The following HDAC9 variants were observed in gnomAD, a reference collection of about 807,000 sequenced individuals.
HDAC9 encodes histone deacetylase 9, also known as MEF-2 interacting transcription repressor (MITR) protein.
In HDAC9, 41 loss-of-function variants were observed where a neutral mutation model predicts 139.4. The ratio of observed to expected loss-of-function variants is 0.29; its 90% CI spans 0.23 to 0.38. HDAC9 has a LOEUF of 0.38. Ranked by LOEUF, HDAC9 falls within the 10% of genes least tolerant of loss-of-function variation. The probability of loss-of-function intolerance (pLI) is 1.00; values close to 1 mark genes in which losing one functional copy is unlikely to be tolerated. For missense variants in HDAC9, 1,147 were observed against 1,297.0 expected (o/e 0.88, Z 1.78); for synonymous variants, 517 against 476.2 (o/e 1.09, Z -1.12).
chr7:18,756,632 G>A lies in HDAC9; in HGVS notation c.2044-5525G>A, dbSNP rs534248098. Among the ~76,000 whole-genome samples, 19 of 152,282 alleles carry A rather than the reference G, an allele frequency of 1.2e-4. No individual in the cohort carries two copies. The East Asian group carries it at 3.5e-3, about 28-fold the overall frequency. On this transcript the variant is annotated intron_variant, in intron 14 of 25. Transcript: ENST00000686413. Reference sequence around the variant, plus strand: ...TTCACATAGAATCCTATCATCTTAAGGCTAAAAATGAGCTTTGACATAATT... The same window carrying A: ...TTCACATAGAATCCTATCATCTTAAAGCTAAAAATGAGCTTTGACATAATT...
At chr7:18,667,786 C>G in intron 12 of HDAC9, 1 of 984,744 alleles carries the variant, frequency 1.0e-6, no homozygotes, top group Non-Finnish European at 1.2e-6. Flanking sequence ...AATAACACCA[C>G]AAGTAGGGAA....
rs187896912 is a variant in HDAC9, at chr7:18,886,426, A to G, written c.2803+11830A>G. Among the ~76,000 whole-genome samples the G allele has an allele frequency of 6.6e-5, 10 of 152,354 alleles. 1 individual carries two copies. Among genetic ancestry groups the G allele is most frequent in the African/African-American group, 2.4e-4 (10 of 41,592 alleles). On this transcript the variant is annotated intron_variant, in intron 22 of 25. Coordinates refer to ENST00000686413, the MANE Select transcript of HDAC9 (RefSeq NM_178425.4). ...CAGAGGAAGATGCCAACTGCAGCTA[A>G]TGTGTACTGTATTCCATTAATACTA...
intron 2 of HDAC9, among the ~76,000 whole-genome samples, chr7:18,229,615 T>A (rs930916940): frequency 7.9e-5 from 12 of 152,100 alleles, no homozygotes; most frequent in African/African-American, 2.9e-4. Context: ...TGCACAAAAA[T>A]TGGTAAAGAA....
chr7:18,812,046 T>C (rs1794216093), intron 17 of HDAC9, among the ~76,000 whole-genome samples: 1 of 151,938 alleles, frequency 6.6e-6, no homozygotes, highest in Admixed American at 6.6e-5. Context: ...TTTATCATAC[T>C]TAATATAATG....
chr7:18,462,805 GT>G (rs1793962212), intron 1 of HDAC9, among the ~76,000 whole-genome samples: 1 of 151,936 alleles, frequency 6.6e-6, no homozygotes, highest in Non-Finnish European at 1.5e-5. Flanking sequence ...GTGTTTAGGT[GT>G]GTCCAGTTTT....
chr7:18,335,701 A>T (rs7784302), intron 1 of HDAC9, among the ~76,000 whole-genome samples: 7,434 of 151,616 alleles, frequency 0.049, 270 homozygotes, highest in African/African-American at 0.1. Context: ...AATGTTTAGA[A>T]TCTCTTTCTC....
chr7:18,553,999 A>T (rs1034942044), intron 2 of HDAC9, among the ~76,000 whole-genome samples: 3 of 152,170 alleles, frequency 2.0e-5, no homozygotes, highest in African/African-American at 4.8e-5. Context: ...TTGTATGGAA[A>T]TGTTCCACAC....
At chr7:18,314,885 A>G (rs1477327062) in intron 1 of HDAC9, among the ~76,000 whole-genome samples, 1 of 152,212 alleles carries the variant, frequency 6.6e-6, no homozygotes, top group South Asian at 2.1e-4. Flanking sequence ...TTTATTCTTC[A>G]TGTTGCACCA....
At chr7:18,901,366 C>CT (rs1360266401) in intron 22 of HDAC9, among the ~76,000 whole-genome samples, 2 of 151,740 alleles carry the variant, frequency 1.3e-5, no homozygotes, top group African/African-American at 4.8e-5. Context: ...AAAAAATCCT[C>CT]TTTTTTCCAA....
chr7:18,669,027 C>G (rs1795491813), intron 12 of HDAC9, among the ~76,000 whole-genome samples: 1 of 151,376 alleles, frequency 6.6e-6, no homozygotes, highest in East Asian at 1.9e-4. Context: ...TGACTTTCAA[C>G]TATTTACATC....
intron 6 of HDAC9, among the ~76,000 whole-genome samples, chr7:18,615,437 A>G (rs1838306913): frequency 6.6e-6 from 1 of 152,182 alleles, no homozygotes; most frequent in Non-Finnish European, 1.5e-5. Context: ...TATTTAATGT[A>G]TTCTTAGTAT....
chr7:18,389,855 G>A (rs1464830260), intron 1 of HDAC9, among the ~76,000 whole-genome samples: 1 of 152,056 alleles, frequency 6.6e-6, no homozygotes, highest in African/African-American at 2.4e-5. Flanking sequence ...AGGCAAAGAG[G>A]GGTTAATAAA....
At chr7:18,467,581 A>T (rs534641721) in intron 1 of HDAC9, among the ~76,000 whole-genome samples, 16 of 152,216 alleles carry the variant, frequency 1.1e-4, no homozygotes, top group Non-Finnish European at 2.4e-4. Flanking sequence ...TTGATAAATT[A>T]TGTAACTTCA....
intron 1 of HDAC9, among the ~76,000 whole-genome samples, chr7:18,390,865 GA>G (rs1786407747): frequency 6.6e-6 from 1 of 152,144 alleles, no homozygotes; most frequent in Non-Finnish European, 1.5e-5. Context: ...AAGGCAGGCA[GA>G]TCACTTGAGG....
In HDAC9 at chr7:18,667,192, G is replaced by A. The variant is rs1795089159; in HGVS notation, c.1731+716G>A. 9.1e-6 allele frequency: 9 copies of A among 985,256 alleles called. No homozygotes were observed. The South Asian group carries it at 3.8e-4, about 41-fold the overall frequency. 61.0% of individuals were successfully genotyped at this position (985,256 alleles called of 1,614,324 possible). ...ACTGCTCATTTTACTTTTATTTTGTGTAATTTGATGACACTGTCTATCAAA... is the reference window on the plus strand; with the variant it reads ...ACTGCTCATTTTACTTTTATTTTGTATAATTTGATGACACTGTCTATCAAA... On this transcript the variant is annotated intron_variant, in intron 12 of 25. Coordinates refer to ENST00000686413, the MANE Select transcript of HDAC9 (RefSeq NM_178425.4).
In HDAC9 at chr7:18,648,397, TG is replaced by T. The variant is rs1486012821; in HGVS notation, c.1250-68del. On this transcript the variant is annotated intron_variant, in intron 10 of 25. Coordinates refer to ENST00000686413, the MANE Select transcript of HDAC9 (RefSeq NM_178425.4). Reference sequence around the variant, plus strand: ...TTGGCTTCTTATCTTTTCTTAAAATTGTGTGTGTGTGTATGTGTGTGTGTGT... The same window carrying T: ...TTGGCTTCTTATCTTTTCTTAAAATTTGTGTGTGTGTATGTGTGTGTGTGT... The T allele has an allele frequency of 1.7e-5, 20 of 1,149,704 alleles. No individual in the cohort carries two copies. In the East Asian group the frequency reaches 4.9e-4, roughly 28 times the overall value. 71.2% of individuals were successfully genotyped at this position (1,149,704 alleles called of 1,614,324 possible).
chr7:18,761,674 GAGGTGC>G (rs1789404082), intron 14 of HDAC9, among the ~76,000 whole-genome samples: 1 of 152,156 alleles, frequency 6.6e-6, no homozygotes. Context: ...ATACTACTGT[GAGGTGC>G]ACACATGGGA....
At chr7:18,139,659 G>A (rs961910257) in intron 1 of HDAC9, among the ~76,000 whole-genome samples, 19 of 152,102 alleles carry the variant, frequency 1.2e-4, no homozygotes, top group African/African-American at 4.6e-4. Flanking sequence ...ATCTGTGAAT[G>A]TTACCTCATA....
At chr7:18,980,931 C>A (rs1285716094) in intron 25 of HDAC9, among the ~76,000 whole-genome samples, 3 of 151,894 alleles carry the variant, frequency 2.0e-5, no homozygotes, top group Admixed American at 6.6e-5. Context: ...TCAAGCAATT[C>A]TCTTGCCTCA....
Sources: allele counts gnomAD v4.1 joint callset (sites outside exome capture counted in the v4.1 genomes callset), GRCh38; gene constraint gnomAD v4.1.1; transcripts MANE v1.5; gene names NCBI Gene and HGNC (gene_info 2026-07-23, HGNC 2026-07-21).